Variants in HERC3 observed in about 807,000 individuals in gnomAD.
HERC3 encodes the protein probable E3 ubiquitin-protein ligase HERC3.
HERC3 carries 58 observed loss-of-function variants against 129.9 expected under a neutral mutation model. The observed-to-expected ratio is 0.45, with a 90% CI of 0.36 to 0.56. The LOEUF (loss-of-function observed/expected upper bound fraction) is 0.56, where lower values mean the gene tolerates loss of function less well. HERC3 is among the 20% of genes least tolerant of loss of function. The probability of loss-of-function intolerance (pLI) is 0.00; values close to 1 mark genes in which losing one functional copy is unlikely to be tolerated. For missense variants in HERC3, 835 were observed against 1,244.2 expected (o/e 0.67, Z 4.95); for synonymous variants, 430 against 451.0 (o/e 0.95, Z 0.59).
intron 23 of HERC3, chr4:88,696,205 G>A (rs2149338011): frequency 6.6e-6 from 1 of 152,666 alleles, no homozygotes; most frequent in Middle Eastern, 3.4e-3. Context: ...CTGGGGGTAG[G>A]GGCACACACT....
At chr4:88,599,351 C>G (rs1204114136) in intron 2 of HERC3, among the ~76,000 whole-genome samples, 5 of 151,530 alleles carry the variant, frequency 3.3e-5, no homozygotes, top group Admixed American at 1.3e-4. Flanking sequence ...AGATACACAT[C>G]TTTTTTGTGG....
intron 16 of HERC3, among the ~76,000 whole-genome samples, chr4:88,671,175 T>G (rs1372659539): frequency 6.6e-6 from 1 of 152,132 alleles, no homozygotes; most frequent in Non-Finnish European, 1.5e-5. Context: ...GGATCTCCCA[T>G]CTGTGGAGTA....
At chr4:88,562,766 C>T in the HERC3 span, among the ~76,000 whole-genome samples, 1 of 152,082 alleles carries the variant, frequency 6.6e-6, no homozygotes, top group Admixed American at 6.5e-5. Flanking sequence ...CTGTCCTTTC[C>T]CCAATGTGTA....
chr4:88,678,028 C>G lies in HERC3; in HGVS notation c.2090C>G (p.Ala697Gly), dbSNP rs140135125. 4.3e-6 allele frequency: 7 copies of G among 1,613,780 alleles called. No individual in the cohort carries two copies. The African/African-American group carries it at 9.3e-5, about 22-fold the overall frequency. The change falls in exon 19 of 26, where the codon GCC becomes GGC. Residue 697 changes from alanine (A) to glycine (G), a missense_variant. Transcript: ENST00000402738. ...FMLLTLEPLLARSPFLVLHVR... is the reference protein window; with the variant it reads ...FMLLTLEPLLGRSPFLVLHVR... The stretch of plus-strand genomic sequence containing the variant: ...CTTCTCACCCTGGAGCCTCTGCTGG[C>G]CAGAAGCCCCTTCCTGGTCCTTCAC...
At chr4:88,616,233 T>C (rs10033232) in intron 3 of HERC3, among the ~76,000 whole-genome samples, 14,713 of 152,260 alleles carry the variant, frequency 0.097, 1,090 homozygotes, top group South Asian at 0.23. Context: ...ACCTTACATA[T>C]GTTGGGTACA....
At chr4:88,544,890 G>A in the HERC3 span, among the ~76,000 whole-genome samples, 1 of 152,126 alleles carries the variant, frequency 6.6e-6, no homozygotes, top group Admixed American at 6.5e-5. Context: ...ATCACACACT[G>A]GGGCCTGTTG....
At chr4:88,606,556 A>C (rs1723659327) in intron 3 of HERC3, among the ~76,000 whole-genome samples, 1 of 152,190 alleles carries the variant, frequency 6.6e-6, no homozygotes, top group African/African-American at 2.4e-5. Flanking sequence ...GACATACCCA[A>C]GACTGGGCAG....
chr4:88,650,953 C>A (rs892916308), intron 4 of HERC3, among the ~76,000 whole-genome samples: 15 of 152,016 alleles, frequency 9.9e-5, no homozygotes, highest in Admixed American at 1.3e-4. Context: ...TCTCTTTAAT[C>A]AAAAGTTGTG....
At chr4:88,621,357 T>C (rs1725501944) in intron 3 of HERC3, among the ~76,000 whole-genome samples, 1 of 152,188 alleles carries the variant, frequency 6.6e-6, no homozygotes, top group East Asian at 1.9e-4. Flanking sequence ...TCAACCCACT[T>C]GGCCTCTCAA....
chr4:88,676,201 T>C lies in HERC3; in HGVS notation c.1912-17T>C. 6.5e-7 allele frequency: 1 copy of C among 1,533,172 alleles called. No individual in the cohort carries two copies. Among genetic ancestry groups the C allele is most frequent in the Non-Finnish European group, 9.0e-7 (1 of 1,115,624 alleles). 95.0% of individuals were successfully genotyped at this position (1,533,172 alleles called of 1,614,324 possible). A position where few individuals can be genotyped will look rare whatever the true frequency, so the allele number is the denominator to read the frequency against. On this transcript the variant is annotated splice_polypyrimidine_tract_variant and intron_variant, in intron 16 of 25. Transcript: ENST00000402738. The stretch of plus-strand genomic sequence containing the variant: ...TTTACAATTTAAGTAAGAGACTTTT[T>C]ATTTTTCTTTACACAGAAGGCTAGA...
intron 16 of HERC3, among the ~76,000 whole-genome samples, chr4:88,671,536 T>G (rs1731612226): frequency 6.6e-6 from 1 of 152,206 alleles, no homozygotes; most frequent in African/African-American, 2.4e-5. Context: ...AAAATACTTT[T>G]TTTTTGAGAC....
At chr4:88,594,393 TAA>T (rs1722106332) in intron 1 of HERC3, among the ~76,000 whole-genome samples, 2 of 152,186 alleles carry the variant, frequency 1.3e-5, no homozygotes, top group Admixed American at 6.5e-5. Context: ...GAGGTAGAAA[TAA>T]AGTTATGACA....
chr4:88,631,600 C>T (rs1726766669), intron 3 of HERC3, among the ~76,000 whole-genome samples: 1 of 152,188 alleles, frequency 6.6e-6, no homozygotes, highest in African/African-American at 2.4e-5. Context: ...TTGATATGTT[C>T]AGATAACTTA....
chr4:88,623,601 G>A (rs1725776823), intron 3 of HERC3, among the ~76,000 whole-genome samples: 1 of 152,132 alleles, frequency 6.6e-6, no homozygotes, highest in Admixed American at 6.5e-5. Context: ...ATTCAAACCT[G>A]CATGTTTCTT....
At chr4:88,615,723 T>C (rs1724831671) in intron 3 of HERC3, among the ~76,000 whole-genome samples, 1 of 152,200 alleles carries the variant, frequency 6.6e-6, no homozygotes, top group East Asian at 1.9e-4. Context: ...ATCAGATACT[T>C]GGAATAATGC....
intron 23 of HERC3, among the ~76,000 whole-genome samples, chr4:88,694,075 T>C (rs1734347569): frequency 6.6e-6 from 1 of 152,164 alleles, no homozygotes; most frequent in Non-Finnish European, 1.5e-5. Context: ...CCAACAATTC[T>C]CTAAGCTAGA....
chr4:88,630,429 A>C (rs898227692), intron 3 of HERC3, among the ~76,000 whole-genome samples: 6 of 152,210 alleles, frequency 3.9e-5, no homozygotes, highest in African/African-American at 1.4e-4. Flanking sequence ...TATAGTCAAC[A>C]AGTGTTTTCT....
At chr4:88,573,126 T>C in the HERC3 span, among the ~76,000 whole-genome samples, 1 of 152,332 alleles carries the variant, frequency 6.6e-6, no homozygotes, top group African/African-American at 2.4e-5. Context: ...TAAAAACTAA[T>C]TAAGACTGCT....
At chr4:88,686,092 T>C (rs1268243880) in intron 21 of HERC3, among the ~76,000 whole-genome samples, 2 of 152,206 alleles carry the variant, frequency 1.3e-5, no homozygotes, top group South Asian at 2.1e-4. Context: ...CAGCTTGTTA[T>C]GCCTGTGCAA....
Sources: allele counts gnomAD v4.1 joint callset (sites outside exome capture counted in the v4.1 genomes callset), GRCh38; gene constraint gnomAD v4.1.1; transcripts MANE v1.5; gene names NCBI Gene and HGNC (gene_info 2026-07-23, HGNC 2026-07-21).